HMGCLL1: variants seen among roughly 807,000 people sequenced by gnomAD.
HMGCLL1 encodes 3-hydroxymethyl-3-methylglutaryl-CoA lyase, cytoplasmic.
Under a neutral mutation model 39.1 loss-of-function variants are expected in HMGCLL1, and 36 were observed. The observed-to-expected ratio is 0.92, with a 90% CI of 0.71 to 1.22. The LOEUF (loss-of-function observed/expected upper bound fraction) is 1.22. Among genes scored for constraint, HMGCLL1 ranks in the 50% most tolerant of loss-of-function variants. The probability of loss-of-function intolerance (pLI) is 0.00; values close to 1 mark genes in which losing one functional copy is unlikely to be tolerated. For synonymous variants in HMGCLL1, 149 were observed against 144.0 expected (o/e 1.03, Z -0.25); for missense variants, 451 against 416.5 (o/e 1.08, Z -0.72).
intron 3 of HMGCLL1, among the ~76,000 whole-genome samples, chr6:55,518,938 T>C (rs1767889977): frequency 6.6e-6 from 1 of 152,176 alleles, no homozygotes; most frequent in Non-Finnish European, 1.5e-5. Context: ...TAATTCATTT[T>C]ACAGCTATAA....
chr6:55,536,303 G>A (rs1293726966), intron 3 of HMGCLL1, among the ~76,000 whole-genome samples: 1 of 152,064 alleles, frequency 6.6e-6, no homozygotes, highest in African/African-American at 2.4e-5. Context: ...TAATGAGGGA[G>A]CAAATATTTT....
chr6:55,529,841 G>T (rs916922014), intron 3 of HMGCLL1, among the ~76,000 whole-genome samples: 8 of 151,986 alleles, frequency 5.3e-5, no homozygotes, highest in African/African-American at 1.9e-4. Flanking sequence ...GTCCAACAGA[G>T]AACTCAATAC....
chr6:55,579,001 G>A lies in HMGCLL1; in HGVS notation c.55C>T (p.Arg19Trp), dbSNP rs1433675878. Reference sequence around the variant, plus strand: ...GAATCCCCGATCCAGAGATGCTCCCGGAGAAGCTGCTGGTAGCTGAGGCAG... The same window carrying A: ...GAATCCCCGATCCAGAGATGCTCCCAGAGAAGCTGCTGGTAGCTGAGGCAG... Reference protein sequence around the residue: ...KHCLSYQQLLREHLWIGDSVA... With the variant: ...KHCLSYQQLLWEHLWIGDSVA... Residue 19 changes from arginine (R) to tryptophan (W), a missense_variant, in exon 1 of 9, where the codon CGG becomes TGG. Transcript: ENST00000274901. 1.2e-6 allele frequency: 2 copies of A among 1,613,752 alleles called. No homozygotes were observed. Among genetic ancestry groups the A allele is most frequent in the Admixed American group, 3.3e-5 (2 of 60,018 alleles).
intron 8 of HMGCLL1, 23 bp from the exon 9 acceptor site, chr6:55,435,786 TC>T: frequency 7.7e-7 from 1 of 1,306,006 alleles, no homozygotes; most frequent in East Asian, 2.5e-5. Context: ...TGAAGGAATA[TC>T]AGGAAGGCAG....
the HMGCLL1 span, among the ~76,000 whole-genome samples, chr6:55,589,373 C>A: frequency 5.0e-3 from 755 of 152,236 alleles, 8 homozygotes; most frequent in African/African-American, 0.017. Flanking sequence ...TAAAAACTCT[C>A]AATAAATTAG....
At chr6:55,592,440 T>C in the HMGCLL1 span, among the ~76,000 whole-genome samples, 6 of 152,080 alleles carry the variant, frequency 3.9e-5, no homozygotes, top group African/African-American at 1.4e-4. Context: ...AAATGTTTGT[T>C]GGTCTTTATG....
the HMGCLL1 span, among the ~76,000 whole-genome samples, chr6:55,617,636 T>C: frequency 1.3e-3 from 193 of 152,216 alleles, 1 homozygote; most frequent in Middle Eastern, 6.8e-3. Context: ...CACCGTTGGT[T>C]GGCGAGAATG....
At chr6:55,504,339 AC>A (rs1767048122) in intron 5 of HMGCLL1, among the ~76,000 whole-genome samples, 1 of 151,574 alleles carries the variant, frequency 6.6e-6, no homozygotes, top group Non-Finnish European at 1.5e-5. Context: ...TCTCTAAATC[AC>A]CCCAGATATT....
the HMGCLL1 span, among the ~76,000 whole-genome samples, chr6:55,650,210 C>T: frequency 6.9e-6 from 1 of 145,150 alleles, no homozygotes; most frequent in Non-Finnish European, 1.5e-5. Flanking sequence ...TTTGAGGTCA[C>T]GTTTCCCTGG....
chr6:55,480,911 A>G (rs1765710159), intron 7 of HMGCLL1, among the ~76,000 whole-genome samples: 1 of 152,160 alleles, frequency 6.6e-6, no homozygotes, highest in South Asian at 2.1e-4. Context: ...AGTCTCACTT[A>G]CTTGTGGGAG....
chr6:55,589,834 C>G, the HMGCLL1 span, among the ~76,000 whole-genome samples: 2 of 152,048 alleles, frequency 1.3e-5, no homozygotes, highest in African/African-American at 4.8e-5. Context: ...ACCTAGGAAT[C>G]CAGCTTACAA....
At chr6:55,484,245 T>A (rs1295254990) in intron 7 of HMGCLL1, among the ~76,000 whole-genome samples, 2 of 152,046 alleles carry the variant, frequency 1.3e-5, no homozygotes, top group Non-Finnish European at 2.9e-5. Context: ...ACCTCTTTCT[T>A]CTTGAAACCC....
chr6:55,517,801 A>G (rs1185439715), intron 3 of HMGCLL1, among the ~76,000 whole-genome samples: 5 of 152,142 alleles, frequency 3.3e-5, no homozygotes, highest in African/African-American at 1.2e-4. Flanking sequence ...CATTACTTAT[A>G]TGAGTTTTTA....
intron 1 of HMGCLL1, among the ~76,000 whole-genome samples, chr6:55,565,290 T>C (rs962617030): frequency 1.3e-4 from 19 of 151,974 alleles, no homozygotes; most frequent in African/African-American, 4.3e-4. Flanking sequence ...AGGATCTTCT[T>C]TGCAAAACTC....
intron 1 of HMGCLL1, among the ~76,000 whole-genome samples, chr6:55,558,750 CAT>C (rs1243923912): frequency 5.9e-5 from 9 of 152,248 alleles, no homozygotes; most frequent in East Asian, 5.8e-4. Flanking sequence ...TCTGGGCAAA[CAT>C]GTGAAAAAGG....
chr6:55,443,051 T>C (rs73444913), intron 7 of HMGCLL1, among the ~76,000 whole-genome samples: 1,241 of 78,506 alleles, frequency 0.016, 16 homozygotes, highest in African/African-American at 0.073. Flanking sequence ...CCTTTTCAAA[T>C]GACTAATGTC....
intron 1 of HMGCLL1, among the ~76,000 whole-genome samples, chr6:55,573,140 A>G (rs975148052): frequency 2.0e-5 from 3 of 152,204 alleles, no homozygotes; most frequent in African/African-American, 7.2e-5. Context: ...GTAAGGATGA[A>G]GAGAAAAAAG....
intron 1 of HMGCLL1, among the ~76,000 whole-genome samples, chr6:55,543,462 A>C (rs542376679): frequency 0.18 from 1,387 of 7,862 alleles, 47 homozygotes; most frequent in African/African-American, 0.29. Flanking sequence ...GATATATATC[A>C]TATATATCAT....
chr6:55,536,983 C>T (rs1193686959), intron 3 of HMGCLL1, among the ~76,000 whole-genome samples: 1 of 151,306 alleles, frequency 6.6e-6, no homozygotes, highest in Non-Finnish European at 1.5e-5. Flanking sequence ...AATTTAGATC[C>T]ACACACATTG....
Sources: allele counts gnomAD v4.1 joint callset (sites outside exome capture counted in the v4.1 genomes callset), GRCh38; gene constraint gnomAD v4.1.1; transcripts MANE v1.5; gene names NCBI Gene and HGNC (gene_info 2026-07-23, HGNC 2026-07-21).